Variants in SUPT3H observed in about 807,000 individuals in gnomAD.
The protein encoded by SUPT3H is SPT3 homolog, SAGA and STAGA complex component.
SUPT3H carries 44 observed loss-of-function variants against 44.3 expected under a neutral mutation model. The ratio of observed to expected loss-of-function variants is 0.99; its 90% CI spans 0.78 to 1.28. SUPT3H has a LOEUF of 1.28. SUPT3H is among the 50% of genes most tolerant of loss of function. The probability of loss-of-function intolerance (pLI) is 0.00; values close to 1 mark genes in which losing one functional copy is unlikely to be tolerated. For synonymous variants in SUPT3H, 124 were observed against 125.6 expected, an observed-to-expected ratio of 0.99 and a Z score of 0.09; for missense variants, 380 against 387.1, an observed-to-expected ratio of 0.98 and a Z score of 0.15.
intron 6 of SUPT3H, among the ~76,000 whole-genome samples, chr6:44,996,383 G>A (rs772835793): frequency 2.0e-5 from 3 of 151,684 alleles, no homozygotes; most frequent in Non-Finnish European, 4.4e-5. Flanking sequence ...CTATATAAAT[G>A]ATACTGATAG....
chr6:44,880,929 A>G (rs1778122351), intron 10 of SUPT3H, among the ~76,000 whole-genome samples: 1 of 152,212 alleles, frequency 6.6e-6, no homozygotes, highest in Non-Finnish European at 1.5e-5. Flanking sequence ...AGGAAGCACT[A>G]AATATGGAAA....
intron 2 of SUPT3H, among the ~76,000 whole-genome samples, chr6:45,173,140 T>TA (rs774116311): frequency 1.3e-3 from 201 of 152,082 alleles, no homozygotes; most frequent in African/African-American, 1.8e-3. Flanking sequence ...GTGGATTTCT[T>TA]AAAAAAAACA....
chr6:44,955,468 C>CCACG (rs1774971821), intron 7 of SUPT3H: 1 of 152,330 alleles, frequency 6.6e-6, no homozygotes, highest in Non-Finnish European at 1.5e-5. Context: ...CCCCCACTTC[C>CCACG]CTGGCGACCT....
At chr6:44,947,919 A>G (rs115881073) in intron 9 of SUPT3H, among the ~76,000 whole-genome samples, 2,709 of 152,312 alleles carry the variant, frequency 0.018, 54 homozygotes, top group South Asian at 0.092. Flanking sequence ...CAATATCATC[A>G]TGACATGGGA....
At chr6:45,158,741 T>C (rs1808432573) in intron 2 of SUPT3H, 2 of 152,228 alleles carry the variant, frequency 1.3e-5, no homozygotes, top group African/African-American at 2.4e-5. Context: ...TTTTATACTA[T>C]GATGGTGCAG....
At chr6:45,168,629 C>T (rs1810297880) in intron 2 of SUPT3H, among the ~76,000 whole-genome samples, 2 of 152,174 alleles carry the variant, frequency 1.3e-5, no homozygotes, top group Admixed American at 1.3e-4. Flanking sequence ...CTGGCTGCAT[C>T]TGTTTTTAAA....
At chr6:45,366,536 A>G (rs557041192) in intron 1 of SUPT3H, among the ~76,000 whole-genome samples, 88 of 152,336 alleles carry the variant, frequency 5.8e-4, no homozygotes, top group Non-Finnish European at 6.8e-4. Context: ...GGGAAAGTTA[A>G]AGAAGAAAAA....
intron 10 of SUPT3H, among the ~76,000 whole-genome samples, chr6:44,919,111 T>C (rs566256895): frequency 6.6e-6 from 1 of 152,320 alleles, no homozygotes; most frequent in Non-Finnish European, 1.5e-5. Context: ...ATAAATCCTA[T>C]AAAATCTGGT....
At chr6:45,296,140 T>C (rs1377582121) in intron 2 of SUPT3H, among the ~76,000 whole-genome samples, 1 of 150,924 alleles carries the variant, frequency 6.6e-6, no homozygotes, top group Non-Finnish European at 1.5e-5. Context: ...TACACACATA[T>C]ACATATACAT....
chr6:45,161,943 T>C (rs1809047988), intron 2 of SUPT3H, among the ~76,000 whole-genome samples: 1 of 152,092 alleles, frequency 6.6e-6, no homozygotes, highest in Non-Finnish European at 1.5e-5. Context: ...AGGCAGTGTC[T>C]TAAATGTAAC....
chr6:44,901,629 T>A (rs1200949383), intron 10 of SUPT3H, among the ~76,000 whole-genome samples: 4 of 151,564 alleles, frequency 2.6e-5, no homozygotes, highest in Non-Finnish European at 5.9e-5. Flanking sequence ...ACTTCCCCAA[T>A]CTAGCAAGGC....
chr6:45,215,145 T>C (rs1764830006), intron 2 of SUPT3H, among the ~76,000 whole-genome samples: 1 of 151,844 alleles, frequency 6.6e-6, no homozygotes, highest in Admixed American at 6.6e-5. Flanking sequence ...GAACCAAAAA[T>C]CAAAGCCTAC....
intron 2 of SUPT3H, among the ~76,000 whole-genome samples, chr6:45,201,773 C>A (rs1309367318): frequency 1.3e-5 from 2 of 151,840 alleles, no homozygotes; most frequent in Non-Finnish European, 3.0e-5. Flanking sequence ...TAGCTGTGGA[C>A]CCCATTTTCC....
chr6:45,218,397 A>G (rs1194814243), intron 2 of SUPT3H, among the ~76,000 whole-genome samples: 2 of 152,294 alleles, frequency 1.3e-5, no homozygotes, highest in East Asian at 3.9e-4. Context: ...ATCCACAACT[A>G]TACATGGGGA....
intron 2 of SUPT3H, among the ~76,000 whole-genome samples, chr6:45,142,287 A>G (rs1399427609): frequency 2.6e-5 from 4 of 152,160 alleles, no homozygotes; most frequent in Non-Finnish European, 5.9e-5. Flanking sequence ...TACACCAAAA[A>G]AGAACCTCCT....
At chr6:44,948,462 A>C (rs571829782) in intron 9 of SUPT3H, among the ~76,000 whole-genome samples, 5 of 152,306 alleles carry the variant, frequency 3.3e-5, no homozygotes, top group South Asian at 2.1e-4. Context: ...CAACCTACAG[A>C]ATGGGAGAAA....
intron 10 of SUPT3H, among the ~76,000 whole-genome samples, chr6:44,830,383 G>A (rs1768428150): frequency 6.6e-6 from 1 of 152,078 alleles, no homozygotes; most frequent in Non-Finnish European, 1.5e-5. Flanking sequence ...GCATATTGTA[G>A]ACAGTATCAA....
chr6:44,827,645 G>A lies in SUPT3H; in HGVS notation c.*2171C>T, dbSNP rs1767912885. Among the ~76,000 whole-genome samples, 1 of 151,980 alleles carries A rather than the reference G, an allele frequency of 6.6e-6. No homozygotes were observed. Among genetic ancestry groups the A allele is most frequent in the South Asian group, 2.1e-4 (1 of 4,828 alleles). ...CTGTAAATTTTCTTTTGTTTCTATA[G>A]TCACTGCTGAAGGAAGTTTTATTTC... On this transcript the variant is annotated 3_prime_UTR_variant, in exon 11 of 11. Transcript: ENST00000371459.
In SUPT3H at chr6:45,312,514, C is replaced by CAA. The variant is rs144073348; in HGVS notation, c.101+52685_101+52686dup. The stretch of plus-strand genomic sequence containing the variant: ...TGGACGACAGAGTGAGACTCCATCT[C>CAA]AAAAAAAAAAAAAAAGACAAAAAGG... On this transcript the variant is annotated intron_variant, in intron 2 of 10. Transcript: ENST00000371459. 5.4e-3 allele frequency among the ~76,000 whole-genome samples: 576 copies of CAA among 106,448 alleles called. 3 individuals carry two copies. The highest frequency in any genetic ancestry group is 0.017 in the African/African-American group (505 of 29,002). 69.8% of individuals were successfully genotyped at this position (106,448 alleles called of 152,430 possible).
Sources: allele counts gnomAD v4.1 joint callset (sites outside exome capture counted in the v4.1 genomes callset), GRCh38; gene constraint gnomAD v4.1.1; transcripts MANE v1.5; gene names NCBI Gene and HGNC (gene_info 2026-07-23, HGNC 2026-07-21).